DOCK10: variants seen among roughly 807,000 people sequenced by gnomAD.
DOCK10 encodes the protein dedicator of cytokinesis 10, also known as dedicator of cytokinesis protein 10.
Under a neutral mutation model 280.1 loss-of-function variants are expected in DOCK10, and 145 were observed. The ratio of observed to expected loss-of-function variants is 0.52; its 90% CI spans 0.45 to 0.59. The LOEUF (loss-of-function observed/expected upper bound fraction) is 0.59, where lower values mean the gene tolerates loss of function less well. Ranked by LOEUF, DOCK10 falls within the 20% of genes least tolerant of loss-of-function variation. The pLI, the probability that DOCK10 is intolerant of heterozygous loss-of-function variation, is 0.00. For synonymous variants in DOCK10, 915 were observed against 942.2 expected (o/e 0.97, Z 0.53); for missense variants, 2,368 against 2,651.7 (o/e 0.89, Z 2.35).
chr2:224,967,805 T>C (rs1704862976), intron 1 of DOCK10, among the ~76,000 whole-genome samples: 2 of 152,104 alleles, frequency 1.3e-5, no homozygotes, highest in African/African-American at 4.8e-5. Context: ...TGTGGGACTA[T>C]AGGGAAGAAG....
At chr2:224,997,643 G>C (rs541537525) in intron 1 of DOCK10, among the ~76,000 whole-genome samples, 1 of 152,266 alleles carries the variant, frequency 6.6e-6, no homozygotes, top group Non-Finnish European at 1.5e-5. Flanking sequence ...CGGCTCAAAT[G>C]TACCTGCTGA....
intron 2 of DOCK10, 76 bp downstream of exon 2, chr2:224,931,473 G>T: frequency 6.7e-7 from 1 of 1,492,478 alleles, no homozygotes; most frequent in South Asian, 1.3e-5. Flanking sequence ...TGGACTCTCT[G>T]AATCTACAGG....
intron 3 of DOCK10, among the ~76,000 whole-genome samples, chr2:224,901,600 A>G (rs1295701094): frequency 2.0e-5 from 3 of 152,244 alleles, no homozygotes; most frequent in African/African-American, 7.2e-5. Context: ...CCTAAAACGT[A>G]TATGTCCATG....
At chr2:224,830,810 AAAAC>A (rs1475495792) in intron 26 of DOCK10, among the ~76,000 whole-genome samples, 198 bp from the exon 27 acceptor site, 14 of 152,314 alleles carry the variant, frequency 9.2e-5, no homozygotes, top group African/African-American at 3.1e-4. Flanking sequence ...TGTTTAAACT[AAAAC>A]AAGTTACAAG....
chr2:224,803,615 G>T (rs1693158257), intron 39 of DOCK10, among the ~76,000 whole-genome samples: 1 of 152,096 alleles, frequency 6.6e-6, no homozygotes, highest in Non-Finnish European at 1.5e-5. Flanking sequence ...GAAATCTAAA[G>T]TGAGGTTATG....
At chr2:224,767,614 TGCCCAGATATCTGTG>T (rs1173540397) in intron 55 of DOCK10, among the ~76,000 whole-genome samples, 1 of 152,238 alleles carries the variant, frequency 6.6e-6, no homozygotes, top group Non-Finnish European at 1.5e-5. Context: ...CCTTTGCTCA[TGCCCAGATATCTGTG>T]GTCATCAGAC....
At chr2:224,912,752 A>G (rs1701099171) in intron 3 of DOCK10, among the ~76,000 whole-genome samples, 1 of 152,036 alleles carries the variant, frequency 6.6e-6, no homozygotes, top group African/African-American at 2.4e-5. Flanking sequence ...CAGGCCGGGC[A>G]TGGTGGCTCA....
At chr2:225,001,752 C>T (rs1027450581) in intron 1 of DOCK10, among the ~76,000 whole-genome samples, 1 of 152,208 alleles carries the variant, frequency 6.6e-6, no homozygotes, top group African/African-American at 2.4e-5. Context: ...ATGATCGAGG[C>T]GTCGGCAGGT....
At chr2:225,016,655 ACATAGATACATATATC>A (rs1467177215) in intron 1 of DOCK10, among the ~76,000 whole-genome samples, 110 of 6,364 alleles carry the variant, frequency 0.017, 3 homozygotes, top group Middle Eastern at 0.25. Flanking sequence ...GCACATAGAT[ACATAGATACATATATC>A]TATGTGCACA....
chr2:224,914,888 A>T (rs543881727), intron 3 of DOCK10, among the ~76,000 whole-genome samples: 5 of 152,328 alleles, frequency 3.3e-5, no homozygotes, highest in African/African-American at 1.2e-4. Flanking sequence ...TTAGGATAAG[A>T]GTTTAGCAAG....
intron 14 of DOCK10, 51 bp from the exon 15 acceptor site, chr2:224,857,033 T>G (rs987451848): frequency 3.4e-6 from 5 of 1,471,646 alleles, no homozygotes; most frequent in Middle Eastern, 1.8e-4. Context: ...TTTATAAAGT[T>G]GTGTTTTTAA....
Position 224,864,779 on chromosome 2 carries a change from T to G in DOCK10, c.1479+87A>C. 1.0e-5 allele frequency: 16 copies of G among 1,584,542 alleles called. 1 individual carries two copies. Among genetic ancestry groups the G allele is most frequent in the Non-Finnish European group, 6.0e-6 (7 of 1,164,734 alleles). On this transcript the variant is annotated intron_variant, in intron 12 of 55. Transcript: ENST00000258390. ...AGGACAGCTTTAAGGGAATTTTTAT[T>G]CAGGAAATTGCTCATCTTATATGAT...
At chr2:224,976,774 C>T (rs1705467516) in intron 1 of DOCK10, among the ~76,000 whole-genome samples, 1 of 151,756 alleles carries the variant, frequency 6.6e-6, no homozygotes, top group Non-Finnish European at 1.5e-5. Flanking sequence ...GGTCAGAATA[C>T]TTTAGGCTTG....
In DOCK10 at chr2:225,042,147, T is replaced by C. The variant is rs1483825091; in HGVS notation, c.123+105A>G. On this transcript the variant is annotated intron_variant, in intron 1 of 55. Transcript: ENST00000258390. The surrounding 1 kb of genome is among the most constrained non-coding windows in gnomAD (Gnocchi z 5.1). ...GAGGGAGTGCGGAGGAGAGGACCCG[T>C]GAGCTGCGGGGACCTGGGCCCGCCG... The C allele has an allele frequency of 3.2e-5, 38 of 1,171,786 alleles. No individual in the cohort carries two copies. Among genetic ancestry groups the C allele is most frequent in the Non-Finnish European group, 3.8e-5 (36 of 940,154 alleles). The allele number at this position is 1,171,786 out of a possible 1,614,324, so 72.6% of individuals were successfully genotyped here.
At chr2:224,886,722 G>C (rs1017717574) in intron 4 of DOCK10, among the ~76,000 whole-genome samples, 191 bp from the exon 5 acceptor site, 1 of 152,006 alleles carries the variant, frequency 6.6e-6, no homozygotes, top group South Asian at 2.1e-4. Flanking sequence ...CTTATCTCCA[G>C]TATATAAATC....
At chr2:224,846,641 A>G (rs138475993) in intron 19 of DOCK10, among the ~76,000 whole-genome samples, 212 of 151,560 alleles carry the variant, frequency 1.4e-3, no homozygotes, top group African/African-American at 4.6e-3. Context: ...GGACTACAGG[A>G]GCACGCCACC....
intron 25 of DOCK10, among the ~76,000 whole-genome samples, chr2:224,836,638 TGCCCAG>T (rs1695610163): frequency 1.3e-5 from 2 of 151,756 alleles, no homozygotes; most frequent in South Asian, 4.2e-4. Context: ...CTTGCTCTGT[TGCCCAG>T]GCTGGAGTGC....
At chr2:225,038,514 G>A (rs1209468706) in intron 1 of DOCK10, among the ~76,000 whole-genome samples, 2 of 152,094 alleles carry the variant, frequency 1.3e-5, no homozygotes, top group African/African-American at 4.8e-5. Context: ...GAAGGGAAAT[G>A]GAATTTACTG....
intron 45 of DOCK10, 146 bp downstream of exon 45, chr2:224,794,733 G>T: frequency 1.4e-6 from 1 of 714,830 alleles, no homozygotes. Flanking sequence ...ATATGGAAAT[G>T]TATTGTATAT....
Sources: allele counts gnomAD v4.1 joint callset (sites outside exome capture counted in the v4.1 genomes callset), GRCh38; gene constraint gnomAD v4.1.1; non-coding constraint Gnocchi (gnomAD v3.1); transcripts MANE v1.5; gene names NCBI Gene and HGNC (gene_info 2026-07-23, HGNC 2026-07-21).